DCAF17: variants seen among roughly 807,000 people sequenced by gnomAD.
DCAF17 encodes DDB1 and CUL4 associated factor 17.
A neutral mutation model predicts 66.0 loss-of-function variants in DCAF17; 48 were observed. That is an observed-to-expected ratio of 0.73 (90% CI 0.58 to 0.92). DCAF17 has a LOEUF of 0.92. Among genes scored for constraint, DCAF17 ranks in the 40% least tolerant of loss-of-function variants. The probability of loss-of-function intolerance (pLI) is 0.00; values close to 1 mark genes in which losing one functional copy is unlikely to be tolerated. For synonymous variants in DCAF17, 206 were observed against 214.6 expected, an observed-to-expected ratio of 0.96 and a Z score of 0.35; for missense variants, 562 against 622.8, an observed-to-expected ratio of 0.90 and a Z score of 1.04.
At chr2:171,454,755 C>T (rs973297038) in intron 6 of DCAF17, among the ~76,000 whole-genome samples, 12 of 151,312 alleles carry the variant, frequency 7.9e-5, no homozygotes, top group South Asian at 6.3e-4. Flanking sequence ...AAATTAGCCA[C>T]GGGTGGTAGT....
intron 2 of DCAF17, 85 bp downstream of exon 2, chr2:171,435,271 G>A (rs1297868960): frequency 1.7e-5 from 17 of 1,014,066 alleles, no homozygotes; most frequent in Non-Finnish European, 2.5e-5. Context: ...GCCTACATTA[G>A]TGCCTAGTGA....
At chr2:171,454,586 C>T (rs1695139821) in intron 6 of DCAF17, among the ~76,000 whole-genome samples, 1 of 152,018 alleles carries the variant, frequency 6.6e-6, no homozygotes, top group Admixed American at 6.5e-5. Context: ...GCCTGGCCAG[C>T]ACTCATTATT....
chr2:171,435,020 A>T (rs1693760195), intron 1 of DCAF17, 63 bp from the exon 2 acceptor site: 1 of 1,336,950 alleles, frequency 7.5e-7, no homozygotes, highest in Non-Finnish European at 1.1e-6. Flanking sequence ...TGCTTTGAAA[A>T]TTTAAAATCT....
rs765730468 is a variant in DCAF17 at position 171,484,324 on chromosome 2, C to T, written c.*3210C>T. 1 of 417,448 alleles carries T rather than the reference C, an allele frequency of 2.4e-6. No individual in the cohort carries two copies. The highest frequency in any genetic ancestry group is 1.8e-5 in the South Asian group (1 of 56,198). 25.9% of individuals were successfully genotyped at this position (417,448 alleles called of 1,614,324 possible). A position where few individuals can be genotyped will look rare whatever the true frequency, so the allele number is the denominator to read the frequency against. On this transcript the variant is annotated 3_prime_UTR_variant, in exon 14 of 14. Coordinates refer to ENST00000375255, the MANE Select transcript of DCAF17 (RefSeq NM_025000.4). ...TAATTTATTTCAAACAAGGGACATACAATAGAAAGATAAGACCTACTGAGG... is the reference window on the plus strand; with the variant it reads ...TAATTTATTTCAAACAAGGGACATATAATAGAAAGATAAGACCTACTGAGG...
chr2:171,434,957 C>A, intron 1 of DCAF17, 126 bp from the exon 2 acceptor site: 2 of 991,484 alleles, frequency 2.0e-6, no homozygotes, highest in South Asian at 1.6e-5. Flanking sequence ...AACATGAGGG[C>A]AGAGTGGAGG....
chr2:171,472,027 A>T (rs1178759745), intron 9 of DCAF17, among the ~76,000 whole-genome samples: 1 of 152,134 alleles, frequency 6.6e-6, no homozygotes, highest in African/African-American at 2.4e-5. Context: ...AAAATAAAAA[A>T]TAAAAATAAA....
At chr2:171,463,956 TACAG>T (rs1295927853) in intron 8 of DCAF17, among the ~76,000 whole-genome samples, 5 of 152,236 alleles carry the variant, frequency 3.3e-5, no homozygotes, top group Non-Finnish European at 7.3e-5. Context: ...CAAAATGTTT[TACAG>T]ACAAACACAC....
intron 10 of DCAF17, 103 bp from the exon 11 acceptor site, chr2:171,476,730 GACTAATCAAGAGAACTACCTCAGTGTT>G: frequency 1.5e-6 from 1 of 678,352 alleles, no homozygotes; most frequent in Non-Finnish European, 2.7e-6. Context: ...TAGTATTGTA[GACTAATCAAGAGAACTACCTCAGTGTT>G]ACTATAATTT....
intron 6 of DCAF17, 124 bp from the exon 7 acceptor site, chr2:171,457,847 A>T (rs1695345502): frequency 6.0e-6 from 5 of 835,544 alleles, no homozygotes; most frequent in Non-Finnish European, 1.0e-5. Context: ...ATGAGGTTTT[A>T]ATGCTAGGCG....
rs1302837695 is a variant in DCAF17 at position 171,449,920 on chromosome 2, A to C, written c.500A>C (p.Lys167Thr). 1 of 1,613,802 alleles carries C rather than the reference A, an allele frequency of 6.2e-7. No homozygotes were observed. Among genetic ancestry groups the C allele is most frequent in the African/African-American group, 1.3e-5 (1 of 74,938 alleles). ...WDTPQEVIAV[K>T]SAQNRGSAVA... Reference sequence around the variant, plus strand: ...ACTCCTCAAGAAGTCATTGCAGTTAAGTCAGCTCAGAACAGAGGCTCAGCA... The same window carrying C: ...ACTCCTCAAGAAGTCATTGCAGTTACGTCAGCTCAGAACAGAGGCTCAGCA... The change falls in exon 5 of 14, where the codon AAG becomes ACG. Residue 167 changes from lysine (K) to threonine (T), a missense_variant. Physicochemically the swap from Lys to Thr is moderately conservative, Grantham distance 78. Around this residue, in one of 3 missense-constraint regions of DCAF17, gnomAD observed 348 missense variants for 355.9 expected, o/e 0.98. Transcript: ENST00000375255.
At chr2:171,470,235 G>A (rs552441166) in intron 9 of DCAF17, among the ~76,000 whole-genome samples, 2 of 152,068 alleles carry the variant, frequency 1.3e-5, no homozygotes, top group East Asian at 1.9e-4. Context: ...GTTTCCCTGG[G>A]TAGTCTCAAA....
intron 8 of DCAF17, among the ~76,000 whole-genome samples, chr2:171,467,221 T>TA (rs143808941): frequency 1.1e-4 from 16 of 149,618 alleles, no homozygotes; most frequent in African/African-American, 2.2e-4. Flanking sequence ...TTGCCACAAT[T>TA]AAAAAAAAAA....
chr2:171,480,215 C>CCT (rs1696678331), intron 13 of DCAF17, 22 bp downstream of exon 13: 1 of 1,611,446 alleles, frequency 6.2e-7, no homozygotes. Context: ...CCGTGGGATA[C>CCT]AAAGTTGTAA....
At chr2:171,468,314 A>C (rs1035138412) in intron 8 of DCAF17, among the ~76,000 whole-genome samples, 3 of 152,122 alleles carry the variant, frequency 2.0e-5, no homozygotes, top group Non-Finnish European at 2.9e-5. Flanking sequence ...CTATCCTGTA[A>C]TAAAGCTTTC....
At chr2:171,478,162 T>C (rs1029082921) in intron 12 of DCAF17, 92 bp downstream of exon 12, 1 of 1,253,670 alleles carries the variant, frequency 8.0e-7, no homozygotes, top group Non-Finnish European at 1.2e-6. Context: ...GGGGTAGAGG[T>C]TGGGGTTGAG....
chr2:171,482,265 A>G lies in DCAF17; in HGVS notation c.*1151A>G, dbSNP rs769039613. 2.2e-6 allele frequency: 1 copy of G among 453,970 alleles called. No individual in the cohort carries two copies. The highest frequency in any genetic ancestry group is 1.6e-5 in the South Asian group (1 of 64,410). 28.1% of individuals were successfully genotyped at this position (453,970 alleles called of 1,614,324 possible). On this transcript the variant is annotated 3_prime_UTR_variant, in exon 14 of 14. Coordinates refer to ENST00000375255, the MANE Select transcript of DCAF17 (RefSeq NM_025000.4). Reference sequence around the variant, plus strand: ...TGTAACCTCAAAAGAATAACTGGTAATAAGGGAAGGAAACAGCAGCAACAA... The same window carrying G: ...TGTAACCTCAAAAGAATAACTGGTAGTAAGGGAAGGAAACAGCAGCAACAA...
In DCAF17 at chr2:171,434,270, G is replaced by A; in HGVS notation, c.-308G>A. ...CGAGGCACTAGGAACTACATTTCCC[G>A]GTGAGAGAGCGGCTCCGGCCGGCCG... On this transcript the variant is annotated 5_prime_UTR_variant, in exon 1 of 14. Transcript: ENST00000375255. 1.9e-6 allele frequency: 1 copy of A among 535,590 alleles called. No homozygotes were observed. Among genetic ancestry groups the A allele is most frequent in the Non-Finnish European group, 3.6e-6 (1 of 280,920 alleles). 33.2% of individuals were successfully genotyped at this position (535,590 alleles called of 1,614,324 possible).
intron 5 of DCAF17, 75 bp from the exon 6 acceptor site, chr2:171,453,049 T>G: frequency 1.9e-6 from 2 of 1,041,596 alleles, no homozygotes; most frequent in Non-Finnish European, 2.9e-6. Context: ...ACAGATGGAT[T>G]TTTTCAACTA....
chr2:171,434,715 C>A lies in DCAF17; in HGVS notation c.126+12C>A. The A allele has an allele frequency of 6.9e-7, 1 of 1,450,844 alleles. No individual in the cohort carries two copies. The allele number at this position is 1,450,844 out of a possible 1,614,324, so 89.9% of individuals were successfully genotyped here. ...CGCTGGTGTGCCAGGTGACCGCCAG[C>A]CGGCCGGGGCGGGACGGAGGGCCGC... is the stretch of plus-strand genomic sequence containing the variant. On this transcript the variant is annotated intron_variant, in intron 1 of 13. Coordinates refer to ENST00000375255, the MANE Select transcript of DCAF17 (RefSeq NM_025000.4).
Sources: gnomAD v4.1 joint callset for allele counts (sites outside exome capture counted in the v4.1 genomes callset) on GRCh38, gnomAD v4.1.1 for gene constraint, gnomAD v4.1.1 regional missense constraint, MANE v1.5 for transcripts, NCBI Gene and HGNC (gene_info 2026-07-23, HGNC 2026-07-21) for gene names.